The following KDM4C variants were observed in gnomAD, a reference collection of about 807,000 sequenced individuals.
The protein encoded by KDM4C is lysine demethylase 4C.
A neutral mutation model predicts 129.3 loss-of-function variants in KDM4C; 81 were observed. That is an observed-to-expected ratio of 0.63 (90% confidence interval 0.52 to 0.75). The LOEUF is 0.75. Ranked by LOEUF, KDM4C falls within the 30% of genes least tolerant of loss-of-function variation. The pLI, the probability that KDM4C is intolerant of heterozygous loss-of-function variation, is 0.00. For synonymous variants in KDM4C, 573 were observed against 456.1 expected, an observed-to-expected ratio of 1.26 and a Z score of -3.26; for missense variants, 1,457 against 1,304.0, an observed-to-expected ratio of 1.12 and a Z score of -1.81.
At chr9:6,865,314 A>C (rs914643241) in intron 5 of KDM4C, among the ~76,000 whole-genome samples, 3 of 152,016 alleles carry the variant, frequency 2.0e-5, no homozygotes, top group Admixed American at 2.0e-4. Context: ...CGTCTTTGTT[A>C]AATTTCTTTG....
chr9:6,977,437 C>T (rs559174834), intron 8 of KDM4C, among the ~76,000 whole-genome samples: 2 of 152,250 alleles, frequency 1.3e-5, no homozygotes, highest in South Asian at 4.1e-4. Flanking sequence ...TCCTGAGATT[C>T]AAGTGGATAT....
At chr9:6,779,455 C>A (rs1053279367) in intron 1 of KDM4C, among the ~76,000 whole-genome samples, 3 of 152,156 alleles carry the variant, frequency 2.0e-5, no homozygotes, top group African/African-American at 7.2e-5. Context: ...TGGCACGATT[C>A]CTGACCCCTA....
intron 21 of KDM4C, among the ~76,000 whole-genome samples, chr9:7,173,192 G>A (rs1845131999): frequency 6.6e-6 from 1 of 152,240 alleles, no homozygotes; most frequent in Admixed American, 6.5e-5. Flanking sequence ...CTGAGTGGAT[G>A]TGTCAGGGCC....
chr9:6,999,023 T>C (rs1280572373), intron 12 of KDM4C, among the ~76,000 whole-genome samples: 3 of 152,338 alleles, frequency 2.0e-5, no homozygotes, highest in African/African-American at 4.8e-5. Flanking sequence ...CTGGTACTTT[T>C]ACTACACAAG....
chr9:6,794,772 G>T lies in KDM4C; in HGVS notation c.144+1640G>T, dbSNP rs7854737. Among the ~76,000 whole-genome samples the T allele has an allele frequency of 8.9e-3, 1,362 of 152,224 alleles. 21 individuals carry two copies. The highest frequency in any genetic ancestry group is 0.031 in the African/African-American group (1,277 of 41,508). ...AAAAAATGGTAGTGACTTAAGCCTTGTGGGTGTAAGTGACATGCCCCGAGT... is the reference window on the plus strand; with the variant it reads ...AAAAAATGGTAGTGACTTAAGCCTTTTGGGTGTAAGTGACATGCCCCGAGT... On this transcript the variant is annotated intron_variant, in intron 2 of 21. Transcript: ENST00000381309.
intron 8 of KDM4C, among the ~76,000 whole-genome samples, chr9:6,930,226 A>C (rs989449900): frequency 6.6e-5 from 10 of 152,188 alleles, no homozygotes; most frequent in African/African-American, 2.2e-4. Context: ...CAGGGTGGCC[A>C]CAGGTAGGTT....
At chr9:6,853,542 G>A (rs953004473) in intron 5 of KDM4C, among the ~76,000 whole-genome samples, 5 of 152,144 alleles carry the variant, frequency 3.3e-5, no homozygotes, top group Non-Finnish European at 7.4e-5. Flanking sequence ...TAACTATTAA[G>A]AATACTAAGT....
intron 17 of KDM4C, among the ~76,000 whole-genome samples, chr9:7,078,785 AT>A (rs1834203924): frequency 1.3e-5 from 2 of 152,220 alleles, no homozygotes; most frequent in Non-Finnish European, 2.9e-5. Context: ...ATCTATACTT[AT>A]CTGTTGGATG....
At chr9:6,968,322 T>G (rs1301918876) in intron 8 of KDM4C, among the ~76,000 whole-genome samples, 1 of 152,146 alleles carries the variant, frequency 6.6e-6, no homozygotes, top group Non-Finnish European at 1.5e-5. Flanking sequence ...ACAAAAGTTA[T>G]TTTTAATAAA....
At chr9:7,092,205 T>C (rs1435260919) in intron 17 of KDM4C, among the ~76,000 whole-genome samples, 1 of 152,172 alleles carries the variant, frequency 6.6e-6, no homozygotes, top group African/African-American at 2.4e-5. Context: ...CACTTCTGTA[T>C]CCATTATTCC....
chr9:6,732,034 G>A (rs910872902), intron 1 of KDM4C, among the ~76,000 whole-genome samples: 4 of 151,962 alleles, frequency 2.6e-5, no homozygotes, highest in Non-Finnish European at 5.9e-5. Flanking sequence ...CTTACCCAGG[G>A]TCCCCATAAA....
At chr9:6,730,762 T>C (rs1036868059) in intron 1 of KDM4C, among the ~76,000 whole-genome samples, 2 of 152,016 alleles carry the variant, frequency 1.3e-5, no homozygotes, top group Non-Finnish European at 2.9e-5. Context: ...AAAAGAGAAG[T>C]GACTATAGAA....
At chr9:6,794,243 T>C (rs1236373336) in intron 2 of KDM4C, among the ~76,000 whole-genome samples, 5 of 152,192 alleles carry the variant, frequency 3.3e-5, no homozygotes, top group Non-Finnish European at 7.3e-5. Context: ...TACATTCTAG[T>C]TGTAGCATCT....
At chr9:6,824,934 A>G (rs1833642660) in intron 4 of KDM4C, among the ~76,000 whole-genome samples, 1 of 152,084 alleles carries the variant, frequency 6.6e-6, no homozygotes, top group Non-Finnish European at 1.5e-5. Flanking sequence ...ACCTGAGGTC[A>G]AGAGTTCGAG....
chr9:6,818,695 G>T lies in KDM4C; in HGVS notation c.435+3950G>T, dbSNP rs1441015759. Among the ~76,000 whole-genome samples, 3 of 152,172 alleles carry T rather than the reference G, an allele frequency of 2.0e-5. No individual in the cohort carries two copies. In the East Asian group the frequency reaches 5.8e-4, roughly 29 times the overall value. The stretch of plus-strand genomic sequence containing the variant: ...AACCAGCTTCTGTGCGATTTCCATT[G>T]GAATGGGTGAGGCAGCTTAAGTACT... On this transcript the variant is annotated intron_variant, in intron 4 of 21. Coordinates refer to ENST00000381309, the MANE Select transcript of KDM4C (RefSeq NM_015061.6).
intron 12 of KDM4C, among the ~76,000 whole-genome samples, chr9:6,994,006 A>G (rs945913542): frequency 2.6e-5 from 4 of 152,064 alleles, no homozygotes; most frequent in African/African-American, 7.2e-5. Flanking sequence ...TTTGTAGAAG[A>G]CAGTTTTTCC....
At chr9:6,896,973 C>T (rs1816567213) in intron 8 of KDM4C, among the ~76,000 whole-genome samples, 1 of 152,154 alleles carries the variant, frequency 6.6e-6, no homozygotes, top group Non-Finnish European at 1.5e-5. Context: ...AATAAATCTT[C>T]CTGGCTCTTA....
intron 19 of KDM4C, among the ~76,000 whole-genome samples, chr9:7,157,073 C>T (rs1412563347): frequency 6.6e-6 from 1 of 152,076 alleles, no homozygotes; most frequent in Non-Finnish European, 1.5e-5. Context: ...CTTCACATCC[C>T]TTGTAAGTTG....
chr9:7,119,848 C>G (rs979914631), intron 18 of KDM4C, among the ~76,000 whole-genome samples: 2 of 152,100 alleles, frequency 1.3e-5, no homozygotes, highest in African/African-American at 4.8e-5. Flanking sequence ...CCTGCATTTT[C>G]TTTTCTGGAG....
Sources: gnomAD v4.1 joint callset for allele counts (sites outside exome capture counted in the v4.1 genomes callset) on GRCh38, gnomAD v4.1.1 for gene constraint, MANE v1.5 for transcripts, NCBI Gene and HGNC (gene_info 2026-07-23, HGNC 2026-07-21) for gene names.